The following APPBP2 variants were observed in gnomAD, a reference collection of about 807,000 sequenced individuals.
APPBP2 encodes amyloid protein-binding protein 2.
A neutral mutation model predicts 76.0 loss-of-function variants in APPBP2; 15 were observed. The observed-to-expected ratio is 0.20, with a 90% CI of 0.13 to 0.30. The LOEUF (loss-of-function observed/expected upper bound fraction) is 0.30, where lower values mean the gene tolerates loss of function less well. Ranked by LOEUF, APPBP2 falls within the 10% of genes least tolerant of loss-of-function variation. The probability of loss-of-function intolerance (pLI) is 1.00; values close to 1 mark genes in which losing one functional copy is unlikely to be tolerated. For missense variants in APPBP2, 401 were observed against 687.2 expected, an observed-to-expected ratio of 0.58 and a Z score of 4.66; for synonymous variants, 222 against 242.2, an observed-to-expected ratio of 0.92 and a Z score of 0.77.
chr17:60,478,771 TA>T (rs2090608804), intron 4 of APPBP2, among the ~76,000 whole-genome samples: 1 of 151,618 alleles, frequency 6.6e-6, no homozygotes, highest in Non-Finnish European at 1.5e-5. Context: ...AAAATACAAA[TA>T]ATTGGCGCAT....
rs952916169 is a variant in APPBP2, at chr17:60,494,366, C to T, written c.379+100G>A. ...GTTCTGATGTTCTTCTCATAACCTT[C>T]TTACGTAGACTTTGGGAAAGCCCTG... On this transcript the variant is annotated intron_variant, in intron 3 of 12. Coordinates refer to ENST00000083182, the MANE Select transcript of APPBP2 (RefSeq NM_006380.5). 6.0e-6 allele frequency: 8 copies of T among 1,339,380 alleles called. No individual in the cohort carries two copies. In the East Asian group the frequency reaches 1.9e-4, roughly 31 times the overall value. 83.0% of individuals were successfully genotyped at this position (1,339,380 alleles called of 1,614,324 possible).
chr17:60,513,457 A>G (rs973754322), intron 1 of APPBP2: 2 of 616,762 alleles, frequency 3.2e-6, no homozygotes, highest in African/African-American at 3.7e-5. Context: ...TTGTACTATA[A>G]TGCCAACAGG....
At chr17:60,465,464 G>T (rs537225899) in intron 5 of APPBP2, among the ~76,000 whole-genome samples, 3 of 152,206 alleles carry the variant, frequency 2.0e-5, no homozygotes, top group African/African-American at 7.2e-5. Context: ...ATCACTAGAA[G>T]ATTGAACTGT....
chr17:60,511,247 C>T lies in APPBP2; in HGVS notation c.139-10760G>A, dbSNP rs139894783. 6.0e-4 allele frequency among the ~76,000 whole-genome samples: 92 copies of T among 152,198 alleles called. 1 individual carries two copies. Among genetic ancestry groups the T allele is most frequent in the East Asian group, 6.0e-3 (31 of 5,180 alleles). The stretch of plus-strand genomic sequence containing the variant: ...TTCACTACCAATATGTGGTGAAAAT[C>T]GGAAGTGTTTCCATGAGACAAAAGG... On this transcript the variant is annotated intron_variant, in intron 1 of 12. Coordinates refer to ENST00000083182, the MANE Select transcript of APPBP2 (RefSeq NM_006380.5).
chr17:60,456,394 T>TA lies in APPBP2; in HGVS notation c.1062-14dup. ...TTCTGCATGAAATCTGTAATACAGA[T>TA]AGATACAGTCTGGCATTTCTTTTTA... On this transcript the variant is annotated splice_polypyrimidine_tract_variant and intron_variant, in intron 9 of 12. Coordinates refer to ENST00000083182, the MANE Select transcript of APPBP2 (RefSeq NM_006380.5). The TA allele has an allele frequency of 1.3e-6, 2 of 1,501,798 alleles. No individual in the cohort carries two copies. Among genetic ancestry groups the TA allele is most frequent in the Admixed American group, 1.7e-5 (1 of 59,562 alleles). 93.0% of individuals were successfully genotyped at this position (1,501,798 alleles called of 1,614,324 possible).
chr17:60,500,340 G>C, intron 2 of APPBP2, 59 bp downstream of exon 2: 1 of 1,215,478 alleles, frequency 8.2e-7, no homozygotes, highest in Non-Finnish European at 1.2e-6. Context: ...CACTCAATTC[G>C]GTTAAAATGG....
Position 60,505,676 on chromosome 17 carries a change from G to GTTTTTTT in APPBP2, c.139-5196_139-5190dup, listed in dbSNP as rs1170935393. On this transcript the variant is annotated intron_variant, in intron 1 of 12. Coordinates refer to ENST00000083182, the MANE Select transcript of APPBP2 (RefSeq NM_006380.5). ...TCCTAAAAGCCACCTGACCCCTGCGGTTTTTTTTTTTTTTTTTTTTTTTTT... is the reference window on the plus strand; with the variant it reads ...TCCTAAAAGCCACCTGACCCCTGCGGTTTTTTTTTTTTTTTTTTTTTTTTTTTTTTTT... Among the ~76,000 whole-genome samples the GTTTTTTT allele has an allele frequency of 8.5e-4, 73 of 85,708 alleles. 15 individuals carry two copies. The highest frequency in any genetic ancestry group is 4.5e-3 in the African/African-American group (59 of 12,996). 56.2% of individuals were successfully genotyped at this position (85,708 alleles called of 152,430 possible). A position where few individuals can be genotyped will look rare whatever the true frequency, so the allele number is the denominator to read the frequency against.
chr17:60,508,785 T>G (rs766818603), intron 1 of APPBP2, among the ~76,000 whole-genome samples: 4 of 152,030 alleles, frequency 2.6e-5, no homozygotes, highest in Non-Finnish European at 5.9e-5. Context: ...AATCTGGCAT[T>G]AAAAACTAGC....
At chr17:60,496,309 G>C (rs1190019680) in intron 2 of APPBP2, 1 of 151,696 alleles carries the variant, frequency 6.6e-6, no homozygotes, top group Non-Finnish European at 1.5e-5. Flanking sequence ...CATTTCAATA[G>C]AAAAAAAACC....
intron 4 of APPBP2, 86 bp from the exon 5 acceptor site, chr17:60,466,545 T>G (rs966721571): frequency 1.5e-5 from 19 of 1,291,850 alleles, no homozygotes; most frequent in Non-Finnish European, 1.9e-5. Flanking sequence ...CTGAATGACT[T>G]AAGGTAATTA....
intron 3 of APPBP2, among the ~76,000 whole-genome samples, chr17:60,485,677 G>T (rs2090669869): frequency 6.6e-6 from 1 of 151,982 alleles, no homozygotes; most frequent in Non-Finnish European, 1.5e-5. Flanking sequence ...TTTTTTGAAG[G>T]GTTTTTTGTG....
chr17:60,517,745 C>A (rs563256766), intron 1 of APPBP2, among the ~76,000 whole-genome samples: 1 of 152,264 alleles, frequency 6.6e-6, no homozygotes, highest in South Asian at 2.1e-4. Flanking sequence ...TTTGTCAATC[C>A]ATGTGCCAAT....
At chr17:60,477,820 AGAGTTTTACTC>A (rs2143375658) in intron 4 of APPBP2, among the ~76,000 whole-genome samples, 1 of 149,994 alleles carries the variant, frequency 6.7e-6, no homozygotes, top group South Asian at 2.1e-4. Flanking sequence ...AAAAAAAAAT[AGAGTTTTACTC>A]AATTTTAGCT....
In APPBP2 at chr17:60,446,613, GA is replaced by G. The variant is rs1029605261; in HGVS notation, c.*967del. Reference sequence around the variant, plus strand: ...TGATTATTAGGGCAACATTTAAAATGAGGGGGATGGCTGCAGCCGATATTTA... The same window carrying G: ...TGATTATTAGGGCAACATTTAAAATGGGGGGATGGCTGCAGCCGATATTTA... On this transcript the variant is annotated 3_prime_UTR_variant, in exon 13 of 13. Transcript: ENST00000083182. 7 of 152,320 alleles carry G rather than the reference GA, an allele frequency of 4.6e-5. No individual in the cohort carries two copies. Among genetic ancestry groups the G allele is most frequent in the Admixed American group, 2.0e-4 (3 of 15,300 alleles). 9.4% of individuals were successfully genotyped at this position (152,320 alleles called of 1,614,324 possible). A position where few individuals can be genotyped will look rare whatever the true frequency, so the allele number is the denominator to read the frequency against.
chr17:60,518,503 CGT>C (rs146968316), intron 1 of APPBP2, among the ~76,000 whole-genome samples: 33 of 133,690 alleles, frequency 2.5e-4, no homozygotes, highest in Non-Finnish European at 3.1e-4. Flanking sequence ...CATGCCCAGC[CGT>C]GTGTGTGTGT....
chr17:60,522,261 C>G (rs1309690865), intron 1 of APPBP2, among the ~76,000 whole-genome samples: 1 of 152,182 alleles, frequency 6.6e-6, no homozygotes, highest in East Asian at 1.9e-4. Context: ...CTATCACTTA[C>G]CCGCAGCAAA....
At chr17:60,464,309 A>G (rs7210842) in intron 5 of APPBP2, among the ~76,000 whole-genome samples, 199 bp from the exon 6 acceptor site, 12,520 of 152,300 alleles carry the variant, frequency 0.082, 1,705 homozygotes, top group African/African-American at 0.28. Context: ...TCTATAGCTT[A>G]TCTGAATCAG....
At chr17:60,493,829 C>A (rs749821427) in intron 3 of APPBP2, among the ~76,000 whole-genome samples, 61 of 151,006 alleles carry the variant, frequency 4.0e-4, no homozygotes, top group Middle Eastern at 7.0e-3. Flanking sequence ...TTACTAGAGA[C>A]AGGATTTCGC....
At chr17:60,494,987 T>C (rs1039413178) in intron 2 of APPBP2, among the ~76,000 whole-genome samples, 1 of 127,298 alleles carries the variant, frequency 7.9e-6, no homozygotes, top group Non-Finnish European at 1.5e-5. Context: ...TTGTTTTGTT[T>C]TTTTTTTTTT....
Sources: gnomAD v4.1 joint callset for allele counts (sites outside exome capture counted in the v4.1 genomes callset) on GRCh38, gnomAD v4.1.1 for gene constraint, MANE v1.5 for transcripts, NCBI Gene and HGNC (gene_info 2026-07-23, HGNC 2026-07-21) for gene names.